LMO7: variants seen among roughly 807,000 people sequenced by gnomAD.
LMO7 encodes the protein LIM domain 7.
In LMO7, 120 loss-of-function variants were observed where a neutral mutation model predicts 206.5. The observed-to-expected ratio is 0.58, with a 90% CI of 0.50 to 0.68. The LOEUF (loss-of-function observed/expected upper bound fraction) is 0.68. Among genes scored for constraint, LMO7 ranks in the 30% least tolerant of loss-of-function variants. The pLI is 0.00. For missense variants in LMO7, 1,959 were observed against 1,957.9 expected (o/e 1.00, Z -0.01); for synonymous variants, 706 against 681.5 (o/e 1.04, Z -0.56).
At chr13:75,790,186 G>T (rs2053068118) in intron 4 of LMO7, among the ~76,000 whole-genome samples, 1 of 152,154 alleles carries the variant, frequency 6.6e-6, no homozygotes, top group South Asian at 2.1e-4. Context: ...AGAAAACTGT[G>T]TTGGGGGTGG....
At chr13:75,856,142 G>C (rs1311719822) in intron 29 of LMO7, among the ~76,000 whole-genome samples, 2 of 152,170 alleles carry the variant, frequency 1.3e-5, no homozygotes, top group Non-Finnish European at 2.9e-5. Context: ...CCCCAGGGTG[G>C]AGTGCCAGGG....
At chr13:75,623,694 G>A (rs1417488283) in intron 2 of LMO7, among the ~76,000 whole-genome samples, 4 of 151,790 alleles carry the variant, frequency 2.6e-5, no homozygotes, top group Non-Finnish European at 2.9e-5. Flanking sequence ...AATTAAATTG[G>A]TAATTTATTT....
chr13:75,748,813 T>C (rs1566384324), intron 3 of LMO7, among the ~76,000 whole-genome samples: 1 of 132,508 alleles, frequency 7.5e-6, no homozygotes, highest in Non-Finnish European at 1.8e-5. Context: ...CTTTCTTTCT[T>C]TCTTTTTTTT....
At position 75,636,415 on chromosome 13, in the gene LMO7, G is replaced by A. The variant is rs1432590487; in HGVS notation, c.-243G>A. On this transcript the variant is annotated 5_prime_UTR_variant, in exon 1 of 31. Transcript: ENST00000377534. The stretch of plus-strand genomic sequence containing the variant: ...CCTGCCTGACTGCCCGGGTCCCCGC[G>A]GGCCTTGGGTCGCTTTCAGGAGTTT... 3.0e-6 allele frequency: 4 copies of A among 1,341,842 alleles called. No individual in the cohort carries two copies. Among genetic ancestry groups the A allele is most frequent in the Admixed American group, 3.6e-5 (1 of 27,416 alleles). 83.1% of individuals were successfully genotyped at this position (1,341,842 alleles called of 1,614,324 possible). A position where few individuals can be genotyped will look rare whatever the true frequency, so the allele number is the denominator to read the frequency against.
Position 75,858,056 on chromosome 13 carries a change from A to AC in LMO7, c.*113_*114insC. On this transcript the variant is annotated 3_prime_UTR_variant, in exon 31 of 31. Transcript: ENST00000377534. ...TTTTTGCTTTTTTTTTAAAAAAAAG[A>AC]ATAACTTTTTTTGCCTCTTTAGATT... 7.6e-7 allele frequency: 1 copy of AC among 1,321,402 alleles called. No homozygotes were observed. Among genetic ancestry groups the AC allele is most frequent in the Non-Finnish European group, 1.1e-6 (1 of 946,896 alleles). 81.9% of individuals were successfully genotyped at this position (1,321,402 alleles called of 1,614,324 possible).
At chr13:75,673,204 T>G (rs1320099035) in intron 1 of LMO7, among the ~76,000 whole-genome samples, 1 of 152,176 alleles carries the variant, frequency 6.6e-6, no homozygotes, top group Non-Finnish European at 1.5e-5. Context: ...ACCACCCAGG[T>G]GAATTCACCT....
At chr13:75,662,507 C>T (rs1260590396) in intron 1 of LMO7, among the ~76,000 whole-genome samples, 6 of 152,178 alleles carry the variant, frequency 3.9e-5, no homozygotes, top group Admixed American at 2.6e-4. Flanking sequence ...TTTGCAGAGA[C>T]GGGGTCTCAC....
chr13:75,750,292 T>C (rs1403787359), intron 3 of LMO7, among the ~76,000 whole-genome samples: 3 of 152,150 alleles, frequency 2.0e-5, no homozygotes, highest in Non-Finnish European at 2.9e-5. Flanking sequence ...AAACACTGTC[T>C]TAAGTTATAT....
intron 4 of LMO7, among the ~76,000 whole-genome samples, chr13:75,794,728 T>C (rs2053738791): frequency 6.6e-6 from 1 of 152,194 alleles, no homozygotes; most frequent in Non-Finnish European, 1.5e-5. Context: ...TTCAACACTG[T>C]GGTGCCATCT....
intron 3 of LMO7, among the ~76,000 whole-genome samples, chr13:75,754,877 A>G (rs540767343): frequency 9.2e-5 from 14 of 152,362 alleles, no homozygotes; most frequent in Non-Finnish European, 1.8e-4. Context: ...TGCTATTCTC[A>G]TTAACACTCT....
chr13:75,801,542 C>A (rs998179200), intron 7 of LMO7, among the ~76,000 whole-genome samples: 1 of 152,204 alleles, frequency 6.6e-6, no homozygotes, highest in Non-Finnish European at 1.5e-5. Flanking sequence ...AAGGAACCTT[C>A]TTTCAAAATC....
At chr13:75,810,892 T>C (rs1394780508) in intron 11 of LMO7, among the ~76,000 whole-genome samples, 1 of 152,206 alleles carries the variant, frequency 6.6e-6, no homozygotes, top group Non-Finnish European at 1.5e-5. Context: ...TTTTTCTGGA[T>C]TAGAGCTAAC....
chr13:75,680,790 A>T (rs2040416525), intron 1 of LMO7, among the ~76,000 whole-genome samples: 1 of 151,774 alleles, frequency 6.6e-6, no homozygotes, highest in Admixed American at 6.6e-5. Flanking sequence ...CTCATTGTTC[A>T]ACTCCCACTT....
At chr13:75,708,299 C>A (rs1259049579) in intron 1 of LMO7, among the ~76,000 whole-genome samples, 1 of 152,186 alleles carries the variant, frequency 6.6e-6, no homozygotes, top group Non-Finnish European at 1.5e-5. Context: ...TTTGGTCAGA[C>A]TTCAGTTCTT....
chr13:75,711,747 G>C (rs1055274308), intron 1 of LMO7, among the ~76,000 whole-genome samples: 2 of 152,166 alleles, frequency 1.3e-5, no homozygotes, highest in Non-Finnish European at 2.9e-5. Flanking sequence ...TGGCCATCTT[G>C]GCTCCACCCC....
intron 1 of LMO7, among the ~76,000 whole-genome samples, chr13:75,640,288 C>CA (rs765103952): frequency 6.6e-6 from 1 of 152,114 alleles, no homozygotes; most frequent in Non-Finnish European, 1.5e-5. Flanking sequence ...CTGTAGGTCT[C>CA]AGTTTTTTCC....
intron 20 of LMO7, among the ~76,000 whole-genome samples, chr13:75,839,328 A>G (rs1043937625): frequency 6.6e-6 from 1 of 152,174 alleles, no homozygotes; most frequent in South Asian, 2.1e-4. Context: ...GTATTTTTCT[A>G]GGTCTCAAAG....
At chr13:75,672,240 ATTTT>A (rs568135884) in intron 1 of LMO7, among the ~76,000 whole-genome samples, 3 of 131,546 alleles carry the variant, frequency 2.3e-5, no homozygotes, top group African/African-American at 2.8e-5. Flanking sequence ...TTAAAAAAAG[ATTTT>A]TTTTTTTTTT....
chr13:75,702,325 A>G (rs1045723110), intron 1 of LMO7, among the ~76,000 whole-genome samples: 3 of 152,126 alleles, frequency 2.0e-5, no homozygotes, highest in Non-Finnish European at 4.4e-5. Flanking sequence ...AACTGACCCC[A>G]GCCACTCTGA....
Sources: allele counts gnomAD v4.1 joint callset (sites outside exome capture counted in the v4.1 genomes callset), GRCh38; gene constraint gnomAD v4.1.1; transcripts MANE v1.5; gene names NCBI Gene and HGNC (gene_info 2026-07-23, HGNC 2026-07-21).